CTNNA3: variants seen among roughly 807,000 people sequenced by gnomAD.
CTNNA3 encodes catenin alpha 3.
Under a neutral mutation model 95.7 loss-of-function variants are expected in CTNNA3, and 76 were observed. That is an observed-to-expected ratio of 0.79 (90% CI 0.66 to 0.96). The LOEUF is 0.96. CTNNA3 is among the 40% of genes least tolerant of loss of function. The pLI is 0.00. For synonymous variants in CTNNA3, 431 were observed against 374.4 expected (o/e 1.15, Z -1.74); for missense variants, 1,191 against 1,089.8 (o/e 1.09, Z -1.31).
chr10:66,747,118 A>C (rs1838914839), intron 9 of CTNNA3, among the ~76,000 whole-genome samples: 2 of 152,234 alleles, frequency 1.3e-5, no homozygotes, highest in Non-Finnish European at 2.9e-5. Context: ...CAAGTGACAG[A>C]GCCAGGAATA....
chr10:67,742,679 CA>C (rs201916645), intron 1 of CTNNA3, among the ~76,000 whole-genome samples: 2 of 150,720 alleles, frequency 1.3e-5, no homozygotes, highest in African/African-American at 2.4e-5. Flanking sequence ...AATAGAGACA[CA>C]AAAAACCCTT....
At chr10:66,471,206 T>C (rs1839117652) in intron 11 of CTNNA3, among the ~76,000 whole-genome samples, 1 of 151,952 alleles carries the variant, frequency 6.6e-6, no homozygotes, top group Non-Finnish European at 1.5e-5. Context: ...AGAATGCTTC[T>C]AATAATTTGA....
At chr10:66,189,272 C>CAA (rs36036764) in intron 13 of CTNNA3, among the ~76,000 whole-genome samples, 57 of 126,442 alleles carry the variant, frequency 4.5e-4, no homozygotes, top group Non-Finnish European at 7.0e-4. Context: ...GGAGTTCTAT[C>CAA]AAAAAAAAAA....
chr10:66,604,351 G>C (rs916331515), intron 10 of CTNNA3, among the ~76,000 whole-genome samples: 1 of 152,160 alleles, frequency 6.6e-6, no homozygotes, highest in African/African-American at 2.4e-5. Context: ...GGGGCCCCCC[G>C]TTCCCCTGAC....
intron 11 of CTNNA3, among the ~76,000 whole-genome samples, chr10:66,419,554 G>C (rs1324436702): frequency 6.6e-6 from 1 of 152,020 alleles, no homozygotes; most frequent in Non-Finnish European, 1.5e-5. Flanking sequence ...CAATTCATTT[G>C]AAACCAAAAA....
intron 13 of CTNNA3, among the ~76,000 whole-genome samples, chr10:66,169,550 G>A (rs775205285): frequency 6.6e-5 from 10 of 152,106 alleles, no homozygotes; most frequent in African/African-American, 9.7e-5. Context: ...CAGTGGGATT[G>A]CTGGGATCAA....
chr10:67,249,931 G>T (rs531117992), intron 5 of CTNNA3, among the ~76,000 whole-genome samples: 1 of 152,328 alleles, frequency 6.6e-6, no homozygotes, highest in South Asian at 2.1e-4. Context: ...ACTTCACACA[G>T]TTAGTGGTCC....
intron 9 of CTNNA3, among the ~76,000 whole-genome samples, chr10:66,729,265 C>A (rs932904216): frequency 5.9e-5 from 9 of 152,130 alleles, no homozygotes; most frequent in African/African-American, 2.2e-4. Context: ...CCATCTCATG[C>A]CAGTCAGAAT....
intron 1 of CTNNA3, among the ~76,000 whole-genome samples, chr10:67,758,849 G>A (rs1423980621): frequency 6.6e-6 from 1 of 152,064 alleles, no homozygotes; most frequent in East Asian, 1.9e-4. Context: ...CTACTTTTTT[G>A]AGAATTTGAG....
Position 66,753,690 on chromosome 10 carries a change from T to C in CTNNA3, c.1281+12574A>G, listed in dbSNP as rs528247882. ...AAAAAAAAGAAAATATATATATATA[T>C]ACACACACACACAAATAACAAATTA... is the stretch of plus-strand genomic sequence containing the variant. On this transcript the variant is annotated intron_variant, in intron 9 of 17. Transcript: ENST00000433211. Among the ~76,000 whole-genome samples, 283 of 150,400 alleles carry C rather than the reference T, an allele frequency of 1.9e-3. 1 individual carries two copies. Among genetic ancestry groups the C allele is most frequent in the African/African-American group, 6.4e-3 (264 of 41,014 alleles).
At chr10:66,625,185 C>G (rs1465974672) in intron 9 of CTNNA3, among the ~76,000 whole-genome samples, 1 of 152,136 alleles carries the variant, frequency 6.6e-6, no homozygotes, top group Non-Finnish European at 1.5e-5. Context: ...GCATCCCTCT[C>G]TTGCAGCTCT....
At chr10:66,472,078 T>A (rs1263622424) in intron 11 of CTNNA3, among the ~76,000 whole-genome samples, 1 of 152,028 alleles carries the variant, frequency 6.6e-6, no homozygotes, top group Admixed American at 6.6e-5. Flanking sequence ...GGCTTTTAAC[T>A]AATCTCTCAA....
chr10:67,046,278 A>G (rs1373099936), intron 7 of CTNNA3, among the ~76,000 whole-genome samples: 1 of 152,150 alleles, frequency 6.6e-6, no homozygotes, highest in Non-Finnish European at 1.5e-5. Flanking sequence ...TTATGTTTAT[A>G]CAATTCTTAT....
intron 14 of CTNNA3, among the ~76,000 whole-genome samples, chr10:66,070,084 CAT>C (rs2080404036): frequency 6.6e-6 from 1 of 152,082 alleles, no homozygotes; most frequent in South Asian, 2.1e-4. Context: ...AAAATATTTT[CAT>C]ATGTCTAATA....
At chr10:66,929,995 C>G (rs1038806872) in intron 7 of CTNNA3, among the ~76,000 whole-genome samples, 1 of 152,174 alleles carries the variant, frequency 6.6e-6, no homozygotes, top group Non-Finnish European at 1.5e-5. Flanking sequence ...AACCATGTCC[C>G]TCTTCTCTGA....
At chr10:66,616,747 C>A (rs1844529198) in intron 10 of CTNNA3, among the ~76,000 whole-genome samples, 1 of 151,902 alleles carries the variant, frequency 6.6e-6, no homozygotes, top group Non-Finnish European at 1.5e-5. Flanking sequence ...TCCTCCTGAC[C>A]CAGGACTTAA....
At chr10:66,211,983 G>GTTTTTTTTTT (rs61453326) in intron 13 of CTNNA3, among the ~76,000 whole-genome samples, 1 of 95,012 alleles carries the variant, frequency 1.1e-5, no homozygotes, top group African/African-American at 4.5e-5. Context: ...TTGTTTTTGG[G>GTTTTTTTTTT]TTTTTTTTTT....
intron 5 of CTNNA3, among the ~76,000 whole-genome samples, chr10:67,485,089 T>G (rs1848391620): frequency 6.6e-6 from 1 of 152,154 alleles, no homozygotes; most frequent in Admixed American, 6.6e-5. Context: ...AGTGGTGGAC[T>G]GGATAAAGAA....
rs1844757301 is a variant in CTNNA3 at position 66,621,715 on chromosome 10, G to A, written c.1351C>T (p.His451Tyr). The A allele has an allele frequency of 5.0e-6, 8 of 1,609,772 alleles. No homozygotes were observed. The highest frequency in any genetic ancestry group is 6.8e-6 in the Non-Finnish European group (8 of 1,177,668). The change falls in exon 10 of 18, where the codon CAT (histidine) becomes TAT (tyrosine). Residue 451 changes from histidine (H) to tyrosine (Y), a missense_variant. Physicochemically the swap from His to Tyr is moderately conservative, Grantham distance 83. Coordinates refer to ENST00000433211, the MANE Select transcript of CTNNA3 (RefSeq NM_013266.4). ...ACCTGTGGACACAAGGTTTCCAAAT[G>A]ATTGGCTGCAATTTTGACAATTTTA... ...GIKIVKIAAN[H>Y]LETLCPQIIN...
Sources: gnomAD v4.1 joint callset for allele counts (sites outside exome capture counted in the v4.1 genomes callset) on GRCh38, gnomAD v4.1.1 for gene constraint, MANE v1.5 for transcripts, NCBI Gene and HGNC (gene_info 2026-07-23, HGNC 2026-07-21) for gene names.